Variants in BOLL observed in about 807,000 individuals in gnomAD.
The protein encoded by BOLL is protein boule-like.
BOLL carries 23 observed loss-of-function variants against 44.4 expected under a neutral mutation model. The ratio of observed to expected loss-of-function variants is 0.52; its 90% CI spans 0.37 to 0.73. The LOEUF (loss-of-function observed/expected upper bound fraction) is 0.73, where lower values mean the gene tolerates loss of function less well. Among genes scored for constraint, BOLL ranks in the 30% least tolerant of loss-of-function variants. The pLI, the probability that BOLL is intolerant of heterozygous loss-of-function variation, is 0.00. For synonymous variants in BOLL, 97 were observed against 110.8 expected (o/e 0.88, Z 0.78); for missense variants, 287 against 338.3 (o/e 0.85, Z 1.19).
At chr2:197,765,159 A>G (rs1688933873) in intron 7 of BOLL, among the ~76,000 whole-genome samples, 1 of 152,064 alleles carries the variant, frequency 6.6e-6, no homozygotes, top group African/African-American at 2.4e-5. Flanking sequence ...GAATGATACA[A>G]TGGACTTTGG....
At chr2:197,739,015 T>A (rs1318136382) in intron 10 of BOLL, among the ~76,000 whole-genome samples, 1 of 152,146 alleles carries the variant, frequency 6.6e-6, no homozygotes, top group Non-Finnish European at 1.5e-5. Context: ...TTCTACAGCA[T>A]TATATAGTTC....
At position 197,743,087 on chromosome 2, in the gene BOLL, G is replaced by A. The variant is rs1238964559; in HGVS notation, c.802C>T (p.Pro268Ser). Residue 268 changes from proline to serine, a missense_variant, in exon 10 of 11, where the codon CCT becomes TCT. By Grantham distance (74) the Pro-to-Ser change is moderately conservative (BLOSUM62 -1). Coordinates refer to ENST00000392296, the MANE Select transcript of BOLL (RefSeq NM_033030.6). ...TTAATTGGCTCAGGCTGCATCACAG[G>A]CGCAGGCATAGTGATGGCACTTGGA... is the stretch of plus-strand genomic sequence containing the variant. ...YAPSAITMPA[P>S]VMQPEPIKTV... is the part of the protein sequence containing the mutation. 6.2e-7 allele frequency: 1 copy of A among 1,603,824 alleles called. No homozygotes were observed. The highest frequency in any genetic ancestry group is 1.3e-5 in the African/African-American group (1 of 74,766).
intron 9 of BOLL, among the ~76,000 whole-genome samples, chr2:197,746,787 C>T (rs1214713988): frequency 6.6e-6 from 1 of 150,924 alleles, no homozygotes; most frequent in African/African-American, 2.4e-5. Context: ...GTAGTCCCAG[C>T]TATTTGGGAG....
intron 7 of BOLL, chr2:197,758,953 T>C: frequency 6.5e-7 from 1 of 1,535,968 alleles, no homozygotes; most frequent in Non-Finnish European, 8.7e-7. Context: ...TCATCACATT[T>C]GGTAAAAGGA....
Position 197,781,847 on chromosome 2 carries a change from G to C in BOLL, c.4C>G (p.Gln2Glu), listed in dbSNP as rs61732251. 3.6e-3 allele frequency: 5,750 copies of C among 1,600,012 alleles called. 180 individuals are homozygous for C. In the African/African-American group the frequency reaches 0.069, roughly 19 times the overall value. Residue 2 changes from glutamine (Q) to glutamate (E), a missense_variant, in exon 2 of 11, where the codon CAA becomes GAA. Physicochemically the swap from Gln to Glu is conservative, Grantham distance 29. Transcript: ENST00000392296. M[Q>E]TDSLSPSPNP... ...GGGGATGGAGATAATGAATCTGTTT[G>C]CATCTGGTTTGATGTTTGCTGTAAA...
chr2:197,784,504 C>A (rs1437422644), intron 1 of BOLL: 2 of 151,996 alleles, frequency 1.3e-5, no homozygotes. Context: ...GATTTCGGCT[C>A]ACTGCAACCT....
intron 3 of BOLL, 86 bp downstream of exon 3, chr2:197,778,889 G>T: frequency 8.6e-7 from 1 of 1,165,082 alleles, no homozygotes; most frequent in South Asian, 1.4e-5. Flanking sequence ...CTGGAAAATG[G>T]AACCAAAGTA....
chr2:197,729,922 G>C (rs1687070767), intron 10 of BOLL, among the ~76,000 whole-genome samples: 2 of 152,150 alleles, frequency 1.3e-5, no homozygotes. Context: ...TCCTCCAAAG[G>C]AACGCAGTTC....
chr2:197,741,025 T>C (rs1314351253), intron 10 of BOLL, among the ~76,000 whole-genome samples: 1 of 152,178 alleles, frequency 6.6e-6, no homozygotes, highest in Admixed American at 6.6e-5. Context: ...AAGAAAGCCA[T>C]TGGTAGCTTG....
At chr2:197,749,268 A>C (rs1688126550) in intron 9 of BOLL, among the ~76,000 whole-genome samples, 1 of 152,220 alleles carries the variant, frequency 6.6e-6, no homozygotes, top group African/African-American at 2.4e-5. Context: ...AGATAAATCC[A>C]CAAAGATGAG....
chr2:197,763,769 A>G (rs1039645175), intron 7 of BOLL, among the ~76,000 whole-genome samples: 1 of 152,204 alleles, frequency 6.6e-6, no homozygotes, highest in Non-Finnish European at 1.5e-5. Context: ...ATGGGAGAAA[A>G]CATCTGTAAA....
chr2:197,731,407 A>T (rs560700667), intron 10 of BOLL, among the ~76,000 whole-genome samples: 110 of 146,894 alleles, frequency 7.5e-4, no homozygotes, highest in South Asian at 1.6e-3. Flanking sequence ...CAGATCAACG[A>T]GACAGAAAGT....
chr2:197,784,205 T>C (rs1265886626), intron 1 of BOLL, among the ~76,000 whole-genome samples: 4 of 151,706 alleles, frequency 2.6e-5, no homozygotes, highest in African/African-American at 9.7e-5. Flanking sequence ...TCCACTATTA[T>C]GTAATGCACC....
intron 6 of BOLL, among the ~76,000 whole-genome samples, chr2:197,767,670 A>C (rs1689054852): frequency 6.6e-6 from 1 of 151,936 alleles, no homozygotes; most frequent in South Asian, 2.1e-4. Flanking sequence ...TTTGATTATC[A>C]TAACTATGGG....
chr2:197,781,672 TAA>T, intron 2 of BOLL, 48 bp downstream of exon 2: 1 of 1,380,494 alleles, frequency 7.2e-7, no homozygotes, highest in Non-Finnish European at 9.6e-7. Flanking sequence ...TTCTGAGAAA[TAA>T]AGACTTCTAA....
In BOLL at chr2:197,784,884, G is replaced by GA. The variant is rs575063596; in HGVS notation, c.-16+171dup. ...TGTGTTACGGAAACACCTAGATGGG[G>GA]ACTGTTGCCGGGTTTGAAGGCTCCT... is the stretch of plus-strand genomic sequence containing the variant. On this transcript the variant is annotated intron_variant, in intron 1 of 10. Coordinates refer to ENST00000392296, the MANE Select transcript of BOLL (RefSeq NM_033030.6). 1.9e-4 allele frequency: 187 copies of GA among 987,362 alleles called. No homozygotes were observed. The African/African-American group carries it at 3.1e-3, about 16-fold the overall frequency. 61.2% of individuals were successfully genotyped at this position (987,362 alleles called of 1,614,324 possible).
At chr2:197,744,981 A>G (rs1687923685) in intron 9 of BOLL, among the ~76,000 whole-genome samples, 1 of 152,222 alleles carries the variant, frequency 6.6e-6, no homozygotes, top group African/African-American at 2.4e-5. Flanking sequence ...AGGCAGAAAT[A>G]ACCTTGGACA....
Position 197,767,092 on chromosome 2 carries a change from T to C in BOLL, c.481-489A>G, listed in dbSNP as rs530199430. 2.3e-3 allele frequency among the ~76,000 whole-genome samples: 356 copies of C among 152,132 alleles called. 1 individual carries two copies. Among genetic ancestry groups the C allele is most frequent in the African/African-American group, 8.1e-3 (338 of 41,540 alleles). On this transcript the variant is annotated intron_variant, in intron 6 of 10. Coordinates refer to ENST00000392296, the MANE Select transcript of BOLL (RefSeq NM_033030.6). ...CTATAATTAAAGCAAAGATATTTTA[T>C]TTTTATTTTAGTAATTTGACATTTA...
At position 197,727,981 on chromosome 2, in the gene BOLL, G is replaced by T. The variant is rs958557927; in HGVS notation, c.*574C>A. 6.6e-6 allele frequency: 1 copy of T among 152,162 alleles called. No homozygotes were observed. The highest frequency in any genetic ancestry group is 2.4e-5 in the African/African-American group (1 of 41,382). The allele number at this position is 152,162 out of a possible 1,614,324, so 9.4% of individuals were successfully genotyped here. Reference sequence around the variant, plus strand: ...TCAGATTCTGAAAACCATGGCAGACGCAAAATTAAATAAGGAGTAACAGTA... The same window carrying T: ...TCAGATTCTGAAAACCATGGCAGACTCAAAATTAAATAAGGAGTAACAGTA... On this transcript the variant is annotated 3_prime_UTR_variant, in exon 11 of 11. Transcript: ENST00000392296.
Sources: allele counts gnomAD v4.1 joint callset (sites outside exome capture counted in the v4.1 genomes callset), GRCh38; gene constraint gnomAD v4.1.1; transcripts MANE v1.5; gene names NCBI Gene and HGNC (gene_info 2026-07-23, HGNC 2026-07-21).